TM9SF2: variants seen among roughly 807,000 people sequenced by gnomAD.
TM9SF2 encodes transmembrane 9 superfamily member 2.
In TM9SF2, 13 loss-of-function variants were observed where a neutral mutation model predicts 84.9. The ratio of observed to expected loss-of-function variants is 0.15; its 90% CI spans 0.10 to 0.24. The LOEUF is 0.24. Ranked by LOEUF, TM9SF2 falls within the 10% of genes least tolerant of loss-of-function variation. The pLI, the probability that TM9SF2 is intolerant of heterozygous loss-of-function variation, is 1.00. For synonymous variants in TM9SF2, 273 were observed against 285.8 expected (o/e 0.96, Z 0.45); for missense variants, 562 against 818.5 (o/e 0.69, Z 3.82).
chr13:99,555,891 A>G (rs761772962), intron 15 of TM9SF2, among the ~76,000 whole-genome samples: 3 of 152,170 alleles, frequency 2.0e-5, no homozygotes, highest in Non-Finnish European at 2.9e-5. Context: ...ATGTTGTGCT[A>G]ACTTTTTACT....
intron 1 of TM9SF2, among the ~76,000 whole-genome samples, chr13:99,505,792 G>A (rs2046086392): frequency 6.6e-6 from 1 of 152,172 alleles, no homozygotes; most frequent in Non-Finnish European, 1.5e-5. Context: ...CATTCTGATG[G>A]CTAAGAGGTG....
intron 12 of TM9SF2, 85 bp from the exon 13 acceptor site, chr13:99,552,082 A>C (rs2139108495): frequency 7.8e-7 from 1 of 1,280,380 alleles, no homozygotes; most frequent in Non-Finnish European, 1.1e-6. Flanking sequence ...ATATATTAGA[A>C]ACATAGAAGT....
chr13:99,540,566 T>A, intron 7 of TM9SF2, 148 bp from the exon 8 acceptor site: 1 of 409,558 alleles, frequency 2.4e-6, no homozygotes, highest in East Asian at 4.1e-5. Flanking sequence ...TCTGAAACTC[T>A]CCAAATCTCA....
Position 99,541,467 on chromosome 13 carries a change from G to A in TM9SF2, c.909-92G>A, listed in dbSNP as rs941037731. On this transcript the variant is annotated intron_variant, in intron 8 of 16. Coordinates refer to ENST00000376387, the MANE Select transcript of TM9SF2 (RefSeq NM_004800.3). ...TTTCATTTTGATTTTGATCAAGACT[G>A]TTTTAATGTTACTCAATAAACAGTT... 1.2e-5 allele frequency: 10 copies of A among 862,160 alleles called. No homozygotes were observed. In the East Asian group the frequency reaches 2.6e-4, roughly 22 times the overall value. The allele number at this position is 862,160 out of a possible 1,614,324, so 53.4% of individuals were successfully genotyped here. A position where few individuals can be genotyped will look rare whatever the true frequency, so the allele number is the denominator to read the frequency against.
chr13:99,528,990 G>T (rs887910465), intron 3 of TM9SF2, among the ~76,000 whole-genome samples: 1 of 152,154 alleles, frequency 6.6e-6, no homozygotes, highest in Non-Finnish European at 1.5e-5. Flanking sequence ...ACATCTGAAT[G>T]TCACATGCTC....
chr13:99,554,391 A>T lies in TM9SF2; in HGVS notation c.1576A>T (p.Met526Leu). Residue 526 changes from methionine to leucine, a missense_variant, in exon 14 of 17, where the codon ATG (methionine) becomes TTG (leucine). Met to Leu is a conservative substitution (Grantham distance 15). Transcript: ENST00000376387. ...CACGAAGCCCTTGCCTGGTATTATC[A>T]TGGGAGGGATTTTGCCCTTTGGCTG... ...FYTKPLPGII[M>L]GGILPFGCIF... 6.2e-7 allele frequency: 1 copy of T among 1,614,128 alleles called. No individual in the cohort carries two copies. Among genetic ancestry groups the T allele is most frequent in the Non-Finnish European group, 8.5e-7 (1 of 1,180,008 alleles).
intron 16 of TM9SF2, among the ~76,000 whole-genome samples, chr13:99,562,118 G>GT (rs1173615325): frequency 6.6e-6 from 1 of 152,160 alleles, no homozygotes; most frequent in African/African-American, 2.4e-5. Context: ...GACACACACA[G>GT]TTTGTGACAG....
chr13:99,527,121 G>C (rs970655148), intron 3 of TM9SF2, among the ~76,000 whole-genome samples: 2 of 152,114 alleles, frequency 1.3e-5, no homozygotes, highest in Non-Finnish European at 1.5e-5. Context: ...AGCAGTTGAG[G>C]GGGGATACAT....
intron 16 of TM9SF2, among the ~76,000 whole-genome samples, chr13:99,559,855 A>T (rs2046337362): frequency 6.6e-6 from 1 of 151,398 alleles, no homozygotes; most frequent in African/African-American, 2.4e-5. Flanking sequence ...GCCACTTCAG[A>T]AATAGGGTAG....
In TM9SF2 at chr13:99,509,292, C is replaced by T. The variant is rs79905205; in HGVS notation, c.171+7515C>T. 6.1e-3 allele frequency among the ~76,000 whole-genome samples: 925 copies of T among 152,268 alleles called. 8 individuals are homozygous for T. Among genetic ancestry groups the T allele is most frequent in the African/African-American group, 0.02 (851 of 41,542 alleles). On this transcript the variant is annotated intron_variant, in intron 1 of 16. Coordinates refer to ENST00000376387, the MANE Select transcript of TM9SF2 (RefSeq NM_004800.3). ...TATTCTGGAGTCTGGAGGACAATGT[C>T]CCCCTTCTCACAGCTCCACTAGGCA...
At chr13:99,533,012 A>G (rs2046217533) in intron 4 of TM9SF2, among the ~76,000 whole-genome samples, 1 of 152,184 alleles carries the variant, frequency 6.6e-6, no homozygotes, top group Admixed American at 6.5e-5. Context: ...TGAAACCATT[A>G]TTTGAGTATA....
At chr13:99,520,183 A>G in intron 3 of TM9SF2, 54 bp downstream of exon 3, 1 of 1,482,860 alleles carries the variant, frequency 6.7e-7, no homozygotes, top group Non-Finnish European at 9.2e-7. Context: ...TGTTTTTGTT[A>G]TTTAAGAAAA....
chr13:99,548,771 A>G (rs2046294287), intron 11 of TM9SF2, among the ~76,000 whole-genome samples: 1 of 152,224 alleles, frequency 6.6e-6, no homozygotes. Context: ...AATGTGTTGC[A>G]CATCAGGCTT....
At chr13:99,557,537 G>GC (rs1555341273) in intron 15 of TM9SF2, among the ~76,000 whole-genome samples, 3 of 150,544 alleles carry the variant, frequency 2.0e-5, no homozygotes, top group Non-Finnish European at 4.4e-5. Flanking sequence ...AAATGTATCT[G>GC]TTTTTTTTTC....
chr13:99,513,560 T>G (rs1490639802), intron 1 of TM9SF2, among the ~76,000 whole-genome samples: 3 of 152,174 alleles, frequency 2.0e-5, no homozygotes, highest in Non-Finnish European at 2.9e-5. Context: ...TCACATGGCC[T>G]CAGGCTTTCA....
rs113662548 is a variant in TM9SF2 at position 99,544,136 on chromosome 13, G to A, written c.1150+141G>A. 7.3e-3 allele frequency: 6,412 copies of A among 877,678 alleles called. 234 individuals carry two copies. In the African/African-American group the frequency reaches 0.085, roughly 12 times the overall value. The allele number at this position is 877,678 out of a possible 1,614,324, so 54.4% of individuals were successfully genotyped here. A position where few individuals can be genotyped will look rare whatever the true frequency, so the allele number is the denominator to read the frequency against. The stretch of plus-strand genomic sequence containing the variant: ...GGAGGCCAAGGCGGGTGGATGACAA[G>A]GTCAGGAGTTTGAGACCAGACTGGC... On this transcript the variant is annotated intron_variant, in intron 10 of 16. Coordinates refer to ENST00000376387, the MANE Select transcript of TM9SF2 (RefSeq NM_004800.3).
rs564463708 is a variant in TM9SF2 at position 99,554,800 on chromosome 13, G to A, written c.1640+345G>A. Among the ~76,000 whole-genome samples the A allele has an allele frequency of 2.6e-3, 395 of 152,300 alleles. 4 individuals carry two copies. The highest frequency in any genetic ancestry group is 9.3e-3 in the African/African-American group (388 of 41,550). On this transcript the variant is annotated intron_variant, in intron 14 of 16. Transcript: ENST00000376387. ...TGTGTTACACAGCAACCCTGTGACA[G>A]AAAATTCACCGAAGTTTCTCCAAAC...
intron 5 of TM9SF2, 119 bp from the exon 6 acceptor site, chr13:99,537,620 G>T: frequency 1.3e-6 from 1 of 795,782 alleles, no homozygotes; most frequent in Non-Finnish European, 1.9e-6. Context: ...TAATGTGAAA[G>T]GCTTAAAATT....
At chr13:99,515,761 T>C (rs4539437) in intron 1 of TM9SF2, among the ~76,000 whole-genome samples, 108,040 of 146,600 alleles carry the variant, frequency 0.74, 40,724 homozygotes, top group Middle Eastern at 0.82. Flanking sequence ...GAAACGGAGT[T>C]TCGCTCTGTT....
Sources: allele counts gnomAD v4.1 joint callset (sites outside exome capture counted in the v4.1 genomes callset), GRCh38; gene constraint gnomAD v4.1.1; transcripts MANE v1.5; gene names NCBI Gene and HGNC (gene_info 2026-07-23, HGNC 2026-07-21).